EFCAB10: variants seen among roughly 807,000 people sequenced by gnomAD.
The protein encoded by EFCAB10 is EF-hand calcium-binding domain-containing protein 10.
Under a neutral mutation model 7.7 loss-of-function variants are expected in EFCAB10, and 7 were observed. That is an observed-to-expected ratio of 0.91 (90% CI 0.52 to 1.72). EFCAB10 has a LOEUF of 1.72. EFCAB10 is among the 40% of genes most tolerant of loss of function. The pLI, the probability that EFCAB10 is intolerant of heterozygous loss-of-function variation, is 0.00. For missense variants in EFCAB10, 112 were observed against 61.5 expected, an observed-to-expected ratio of 1.82 and a Z score of -2.74; for synonymous variants, 52 against 21.0, an observed-to-expected ratio of 2.47 and a Z score of -4.03.
intron 4 of EFCAB10, among the ~76,000 whole-genome samples, chr7:105,565,992 G>A (rs369777911): frequency 1.9e-4 from 29 of 152,162 alleles, no homozygotes; most frequent in Admixed American, 1.9e-3. Context: ...TTACAGGGCC[G>A]GGCGTGGTGG....
At position 105,577,339 on chromosome 7, in the gene EFCAB10, G is replaced by A. The variant is rs150111981; in HGVS notation, c.106+4019C>T. ...CTGAGAAAAACATGCAAGATAGGGA[G>A]GAGACAGAAGAGTTGGATGGGCTGA... On this transcript the variant is annotated intron_variant, in intron 1 of 4. Coordinates refer to ENST00000480514, the MANE Select transcript of EFCAB10 (RefSeq NM_001355526.2). 4.6e-5 allele frequency among the ~76,000 whole-genome samples: 7 copies of A among 152,342 alleles called. No homozygotes were observed. The East Asian group carries it at 1.3e-3, about 29-fold the overall frequency.
At chr7:105,567,748 C>G in intron 3 of EFCAB10, 2 of 409,858 alleles carry the variant, frequency 4.9e-6, no homozygotes, top group Non-Finnish European at 4.4e-6. Context: ...CATGAGGAAA[C>G]TGGCAGGGCA....
At chr7:105,575,859 GA>G (rs1408991974) in intron 1 of EFCAB10, among the ~76,000 whole-genome samples, 1 of 152,072 alleles carries the variant, frequency 6.6e-6, no homozygotes, top group Non-Finnish European at 1.5e-5. Context: ...CCAACATGGA[GA>G]AACCCCATCT....
chr7:105,581,253 A>C, intron 1 of EFCAB10, 105 bp downstream of exon 1: 1 of 651,954 alleles, frequency 1.5e-6, no homozygotes, highest in Non-Finnish European at 2.8e-6. Context: ...AGAAGGGCTC[A>C]CGTGGCTGGG....
intron 1 of EFCAB10, among the ~76,000 whole-genome samples, chr7:105,575,240 G>C (rs1586290320): frequency 6.6e-6 from 1 of 152,126 alleles, no homozygotes; most frequent in East Asian, 1.9e-4. Context: ...ACAATGTGTG[G>C]GAATTCAAGA....
At chr7:105,575,836 G>A (rs1287903123) in intron 1 of EFCAB10, among the ~76,000 whole-genome samples, 2 of 152,034 alleles carry the variant, frequency 1.3e-5, no homozygotes, top group African/African-American at 2.4e-5. Context: ...TTGGGAGTTC[G>A]AGACCAGCCT....
rs1268522748 is a variant in EFCAB10 at position 105,569,193 on chromosome 7, A to G, written c.359+10T>C. 4 of 699,860 alleles carry G rather than the reference A, an allele frequency of 5.7e-6. No individual in the cohort carries two copies. In the African/African-American group the frequency reaches 7.0e-5, roughly 12 times the overall value. 43.4% of individuals were successfully genotyped at this position (699,860 alleles called of 1,614,324 possible). Reference sequence around the variant, plus strand: ...TTATTAAAATATTTGTCACTTAAAAATAAACTTACACTTCCTCCTTGAATT... The same window carrying G: ...TTATTAAAATATTTGTCACTTAAAAGTAAACTTACACTTCCTCCTTGAATT... On this transcript the variant is annotated intron_variant, in intron 3 of 4. Transcript: ENST00000480514.
chr7:105,581,265 G>A (rs1045124365), intron 1 of EFCAB10, 93 bp downstream of exon 1: 3 of 661,916 alleles, frequency 4.5e-6, no homozygotes, highest in Non-Finnish European at 8.3e-6. Flanking sequence ...GTGGCTGGGA[G>A]GCAGTGGAAA....
intron 1 of EFCAB10, among the ~76,000 whole-genome samples, chr7:105,574,175 TATGTATATATACACACACAC>T (rs1351624652): frequency 2.0e-4 from 10 of 49,970 alleles, no homozygotes; most frequent in Non-Finnish European, 4.5e-5. Context: ...CACACACCCA[TATGTATATATACACACACAC>T]GTATATATAT....
At chr7:105,574,675 G>C (rs1792031929) in intron 1 of EFCAB10, among the ~76,000 whole-genome samples, 1 of 151,616 alleles carries the variant, frequency 6.6e-6, no homozygotes, top group Non-Finnish European at 1.5e-5. Context: ...TTTAATAGAG[G>C]GGTTTCACCG....
chr7:105,565,284 T>C lies in EFCAB10; in HGVS notation c.*163A>G. 1 of 1,587,484 alleles carries C rather than the reference T, an allele frequency of 6.3e-7. No homozygotes were observed. Among genetic ancestry groups the C allele is most frequent in the Non-Finnish European group, 8.6e-7 (1 of 1,164,264 alleles). ...AAAATGTGTTTTTTCCAGATGGTTG[T>C]CCTTGCCATCTCAGTCAGAGCAGGC... On this transcript the variant is annotated 3_prime_UTR_variant, in exon 5 of 5. Transcript: ENST00000480514.
chr7:105,577,345 A>G (rs890079130), intron 1 of EFCAB10, among the ~76,000 whole-genome samples: 5 of 152,224 alleles, frequency 3.3e-5, no homozygotes, highest in Non-Finnish European at 7.3e-5. Context: ...GGGAGGAGAC[A>G]GAAGAGTTGG....
At position 105,569,575 on chromosome 7, in the gene EFCAB10, C is replaced by T; in HGVS notation, c.107-4G>A. 1.4e-6 allele frequency: 1 copy of T among 689,962 alleles called. No individual in the cohort carries two copies. The highest frequency in any genetic ancestry group is 2.6e-6 in the Non-Finnish European group (1 of 381,650). The allele number at this position is 689,962 out of a possible 1,614,324, so 42.7% of individuals were successfully genotyped here. A position where few individuals can be genotyped will look rare whatever the true frequency, so the allele number is the denominator to read the frequency against. ...ATTAAATATTCTTTTGGTTTTTCTGCAAAAGAATAGTTCCAGCTCTTTCTG... is the reference window on the plus strand; with the variant it reads ...ATTAAATATTCTTTTGGTTTTTCTGTAAAAGAATAGTTCCAGCTCTTTCTG... On this transcript the variant is annotated splice_region_variant and splice_polypyrimidine_tract_variant and intron_variant, in intron 1 of 4. Coordinates refer to ENST00000480514, the MANE Select transcript of EFCAB10 (RefSeq NM_001355526.2).
chr7:105,578,129 C>T (rs991555991), intron 1 of EFCAB10, among the ~76,000 whole-genome samples: 9 of 152,122 alleles, frequency 5.9e-5, no homozygotes, highest in Non-Finnish European at 1.3e-4. Context: ...ATCAAAGGTT[C>T]CAGTTGGCCT....
chr7:105,567,086 A>G, intron 4 of EFCAB10: 7 of 1,336,232 alleles, frequency 5.2e-6, no homozygotes, highest in Non-Finnish European at 7.0e-6. Flanking sequence ...GATAATGGAG[A>G]TCTCATTTCC....
chr7:105,571,243 C>T (rs1791942529), intron 1 of EFCAB10: 1 of 152,078 alleles, frequency 6.6e-6, no homozygotes, highest in Non-Finnish European at 1.5e-5. Context: ...AACAATAGCC[C>T]AAACCATCTC....
At chr7:105,578,738 C>A (rs1792148335) in intron 1 of EFCAB10, among the ~76,000 whole-genome samples, 2 of 152,148 alleles carry the variant, frequency 1.3e-5, no homozygotes, top group African/African-American at 4.8e-5. Flanking sequence ...CTTAAAAATT[C>A]TGAGGGCAAT....
At chr7:105,580,437 A>G (rs1706924) in intron 1 of EFCAB10, among the ~76,000 whole-genome samples, 151,374 of 152,310 alleles carry the variant, frequency 0.99, 75,224 homozygotes, top group Middle Eastern at 1. Context: ...CTCCCAAAGT[A>G]CTGGGATTAC....
chr7:105,577,344 C>A (rs1586292477), intron 1 of EFCAB10, among the ~76,000 whole-genome samples: 2 of 152,122 alleles, frequency 1.3e-5, no homozygotes, highest in African/African-American at 4.8e-5. Context: ...AGGGAGGAGA[C>A]AGAAGAGTTG....
Sources: gnomAD v4.1 joint callset for allele counts (sites outside exome capture counted in the v4.1 genomes callset) on GRCh38, gnomAD v4.1.1 for gene constraint, MANE v1.5 for transcripts, NCBI Gene and HGNC (gene_info 2026-07-23, HGNC 2026-07-21) for gene names.